The following GPHN variants were observed in gnomAD, a reference collection of about 807,000 sequenced individuals.
The protein encoded by GPHN is gephyrin.
GPHN carries 17 observed loss-of-function variants against 95.5 expected under a neutral mutation model. The ratio of observed to expected loss-of-function variants is 0.18; its 90% CI spans 0.12 to 0.27. GPHN has a LOEUF of 0.27. Among genes scored for constraint, GPHN ranks in the 10% least tolerant of loss-of-function variants. GPHN has a pLI of 1.00. For synonymous variants in GPHN, 320 were observed against 322.5 expected, an observed-to-expected ratio of 0.99 and a Z score of 0.08; for missense variants, 660 against 978.1, an observed-to-expected ratio of 0.67 and a Z score of 4.34.
At chr14:67,330,489 G>A in the GPHN span, among the ~76,000 whole-genome samples, 1 of 126,302 alleles carries the variant, frequency 7.9e-6, no homozygotes, top group African/African-American at 3.1e-5. Context: ...ATGGGGTTTC[G>A]CTCTTGTTGC....
chr14:67,134,952 T>C (rs1269714623), intron 17 of GPHN, among the ~76,000 whole-genome samples: 1 of 133,202 alleles, frequency 7.5e-6, no homozygotes, highest in Non-Finnish European at 1.6e-5. Context: ...CTTTCTTTCT[T>C]CTTTTTTTTT....
At chr14:67,692,482 G>A in the GPHN span, 13 of 1,614,136 alleles carry the variant, frequency 8.1e-6, no homozygotes, top group Non-Finnish European at 1.0e-5. Context: ...CTTAGTATCA[G>A]ACAGGTCCAG....
At chr14:67,568,917 T>C in the GPHN span, 20 of 531,430 alleles carry the variant, frequency 3.8e-5, no homozygotes, top group African/African-American at 2.3e-4. Flanking sequence ...AAGTATTTCA[T>C]TGATTCTCAC....
At chr14:67,602,613 G>A in the GPHN span, among the ~76,000 whole-genome samples, 15,069 of 152,128 alleles carry the variant, frequency 0.099, 799 homozygotes, top group East Asian at 0.14. Context: ...TGGGCTCCAC[G>A]GATAGAATCA....
the GPHN span, among the ~76,000 whole-genome samples, chr14:67,314,454 T>C: frequency 6.6e-6 from 1 of 152,208 alleles, no homozygotes; most frequent in Non-Finnish European, 1.5e-5. Flanking sequence ...ATATCAGTCA[T>C]ATTTTAAGGA....
chr14:67,319,047 G>A, the GPHN span, among the ~76,000 whole-genome samples: 2 of 147,742 alleles, frequency 1.4e-5, no homozygotes, highest in Non-Finnish European at 3.0e-5. Context: ...GACAGAGCGA[G>A]ACTCCGTCTC....
chr14:66,936,976 C>G (rs1308364990), intron 8 of GPHN, among the ~76,000 whole-genome samples: 2 of 152,172 alleles, frequency 1.3e-5, no homozygotes, highest in Non-Finnish European at 2.9e-5. Flanking sequence ...ATATACAAGT[C>G]AGGGCATTCT....
At chr14:67,188,245 T>C in the GPHN span, among the ~76,000 whole-genome samples, 1 of 152,216 alleles carries the variant, frequency 6.6e-6, no homozygotes, top group South Asian at 2.1e-4. Flanking sequence ...AATGAAGTTA[T>C]ACATACAGTT....
At chr14:67,044,380 T>C (rs1370555064) in intron 10 of GPHN, among the ~76,000 whole-genome samples, 2 of 152,126 alleles carry the variant, frequency 1.3e-5, no homozygotes. Flanking sequence ...GCTCACTTAA[T>C]ATTCCCAGAA....
chr14:66,780,639 C>T (rs987869658), intron 3 of GPHN, among the ~76,000 whole-genome samples: 3 of 150,836 alleles, frequency 2.0e-5, no homozygotes, highest in Non-Finnish European at 4.4e-5. Context: ...ATTTTTCCGT[C>T]GATTACTGGT....
At chr14:67,656,928 G>A in the GPHN span, among the ~76,000 whole-genome samples, 1 of 152,312 alleles carries the variant, frequency 6.6e-6, no homozygotes, top group African/African-American at 2.4e-5. Context: ...TCTGAAAGGT[G>A]GCAGCCCAGA....
In GPHN at chr14:66,519,714, C is replaced by T. The variant is rs575192356; in HGVS notation, c.64+11123C>T. 9.2e-5 allele frequency among the ~76,000 whole-genome samples: 14 copies of T among 152,250 alleles called. No individual in the cohort carries two copies. In the East Asian group the frequency reaches 2.7e-3, roughly 29 times the overall value. ...CATAGTATTTTGCACTTTCTTCCTT[C>T]ACTCCCTAACTCTGTAGCATATTTT... On this transcript the variant is annotated intron_variant, in intron 1 of 22. Transcript: ENST00000478722.
the GPHN span, among the ~76,000 whole-genome samples, chr14:67,497,034 G>C: frequency 0.7 from 106,143 of 151,824 alleles, 38,147 homozygotes; most frequent in Middle Eastern, 0.81. Context: ...TCAGGTGATC[G>C]GCCCGCCTCA....
chr14:67,252,357 G>A, the GPHN span, among the ~76,000 whole-genome samples: 1 of 152,084 alleles, frequency 6.6e-6, no homozygotes, highest in Admixed American at 6.6e-5. Context: ...GTCTTGCTGA[G>A]CTGCCCAGGC....
chr14:66,971,689 A>C (rs942453812), intron 9 of GPHN, among the ~76,000 whole-genome samples: 1 of 152,194 alleles, frequency 6.6e-6, no homozygotes, highest in Non-Finnish European at 1.5e-5. Flanking sequence ...GAAATGTTGA[A>C]TCTAAAACCC....
the GPHN span, chr14:67,350,481 A>G: frequency 1.4e-6 from 1 of 697,902 alleles, no homozygotes; most frequent in Non-Finnish European, 2.3e-6. Context: ...GGTTAAAAGA[A>G]TTCTTTCTTA....
the GPHN span, among the ~76,000 whole-genome samples, chr14:67,259,992 T>A: frequency 6.6e-6 from 1 of 152,202 alleles, no homozygotes; most frequent in African/African-American, 2.4e-5. Context: ...TTATAGTTTT[T>A]CCAGTCTTGG....
At chr14:67,159,659 A>T (rs1207437154) in intron 19 of GPHN, among the ~76,000 whole-genome samples, 171 bp downstream of exon 19, 2 of 152,240 alleles carry the variant, frequency 1.3e-5, no homozygotes, top group Non-Finnish European at 2.9e-5. Context: ...TGAAATAGGA[A>T]TTCATCTTCC....
the GPHN span, among the ~76,000 whole-genome samples, chr14:67,220,999 T>C: frequency 2.0e-5 from 3 of 152,216 alleles, no homozygotes; most frequent in African/African-American, 7.2e-5. Context: ...ACTTCCAAAA[T>C]ACTTATTGAA....
Sources: gnomAD v4.1 joint callset for allele counts (sites outside exome capture counted in the v4.1 genomes callset) on GRCh38, gnomAD v4.1.1 for gene constraint, MANE v1.5 for transcripts, NCBI Gene and HGNC (gene_info 2026-07-23, HGNC 2026-07-21) for gene names.